Variants in PPP3R1 observed in about 807,000 individuals in gnomAD.
PPP3R1 encodes the protein protein phosphatase 3 regulatory subunit B, alpha.
Under a neutral mutation model 22.6 loss-of-function variants are expected in PPP3R1, and 5 were observed. The ratio of observed to expected loss-of-function variants is 0.22; its 90% CI spans 0.12 to 0.46. The LOEUF (loss-of-function observed/expected upper bound fraction) is 0.46. Among genes scored for constraint, PPP3R1 ranks in the 20% least tolerant of loss-of-function variants. The probability of loss-of-function intolerance (pLI) is 0.99; values close to 1 mark genes in which losing one functional copy is unlikely to be tolerated. For missense variants in PPP3R1, 61 were observed against 203.2 expected (o/e 0.30, Z 4.25); for synonymous variants, 56 against 65.2 (o/e 0.86, Z 0.68).
chr2:68,210,185 T>C (rs2103760690), intron 2 of PPP3R1, among the ~76,000 whole-genome samples: 1 of 152,288 alleles, frequency 6.6e-6, no homozygotes, highest in South Asian at 2.1e-4. Context: ...CTTAATCTAT[T>C]GGCCTCTATT....
chr2:68,188,910 T>G (rs1056283969), intron 2 of PPP3R1, among the ~76,000 whole-genome samples: 13 of 152,180 alleles, frequency 8.5e-5, no homozygotes, highest in Non-Finnish European at 1.8e-4. Context: ...ATACTTGTAT[T>G]TGGTTACCTT....
chr2:68,252,187 C>A lies in PPP3R1; in HGVS notation c.-60G>T. The stretch of plus-strand genomic sequence containing the variant: ...GGCTCGGAGAAGTGTTGCGCTCAGG[C>A]TGGCTCGCAGGAAACGGCGGCGGCG... On this transcript the variant is annotated 5_prime_UTR_variant, in exon 1 of 6. Coordinates refer to ENST00000234310, the MANE Select transcript of PPP3R1 (RefSeq NM_000945.4). 1 of 1,310,250 alleles carries A rather than the reference C, an allele frequency of 7.6e-7. No individual in the cohort carries two copies. Among genetic ancestry groups the A allele is most frequent in the Non-Finnish European group, 1.0e-6 (1 of 1,004,284 alleles). 81.2% of individuals were successfully genotyped at this position (1,310,250 alleles called of 1,614,324 possible). A position where few individuals can be genotyped will look rare whatever the true frequency, so the allele number is the denominator to read the frequency against.
intron 1 of PPP3R1, among the ~76,000 whole-genome samples, chr2:68,251,742 T>C (rs1331908945): frequency 6.7e-6 from 1 of 149,718 alleles, no homozygotes; most frequent in Non-Finnish European, 1.5e-5. Context: ...AGAGTGAGTG[T>C]GGAGGGGAGG....
chr2:68,246,067 C>CTTTTTTTTTTTTTTTTTTTT (rs746584723), intron 1 of PPP3R1, among the ~76,000 whole-genome samples: 2 of 73,806 alleles, frequency 2.7e-5, no homozygotes, highest in African/African-American at 6.3e-5. Context: ...TTCTTTCTTT[C>CTTTTTTTTTTTTTTTTTTTT]TTTTTTTTTT....
intron 2 of PPP3R1, among the ~76,000 whole-genome samples, chr2:68,205,409 A>C (rs1478130409): frequency 6.6e-6 from 1 of 151,830 alleles, no homozygotes; most frequent in Non-Finnish European, 1.5e-5. Context: ...TGCCCTGCTA[A>C]CTTTTTACAT....
Position 68,252,189 on chromosome 2 carries a change from G to A in PPP3R1, c.-62C>T. 3 of 1,304,062 alleles carry A rather than the reference G, an allele frequency of 2.3e-6. No individual in the cohort carries two copies. The highest frequency in any genetic ancestry group is 3.0e-6 in the Non-Finnish European group (3 of 1,000,708). 80.8% of individuals were successfully genotyped at this position (1,304,062 alleles called of 1,614,324 possible). A position where few individuals can be genotyped will look rare whatever the true frequency, so the allele number is the denominator to read the frequency against. Reference sequence around the variant, plus strand: ...CTCGGAGAAGTGTTGCGCTCAGGCTGGCTCGCAGGAAACGGCGGCGGCGGC... The same window carrying A: ...CTCGGAGAAGTGTTGCGCTCAGGCTAGCTCGCAGGAAACGGCGGCGGCGGC... On this transcript the variant is annotated 5_prime_UTR_variant, in exon 1 of 6. Transcript: ENST00000234310.
chr2:68,189,602 T>C (rs991177806), intron 2 of PPP3R1, among the ~76,000 whole-genome samples: 2 of 152,188 alleles, frequency 1.3e-5, no homozygotes, highest in Admixed American at 1.3e-4. Context: ...GCGCAATGGC[T>C]CACGCTTGTA....
chr2:68,217,135 G>C lies in PPP3R1; in HGVS notation c.4-4C>G, dbSNP rs1669594947. On this transcript the variant is annotated splice_polypyrimidine_tract_variant and splice_region_variant and intron_variant, in intron 1 of 5. Coordinates refer to ENST00000234310, the MANE Select transcript of PPP3R1 (RefSeq NM_000945.4). ...AAGGATAACTTGCCTCATTTCCCTG[G>C]GGGGAAAGAAAGAAATAATTAGTCA... The C allele has an allele frequency of 3.8e-6, 6 of 1,584,704 alleles. No homozygotes were observed. Among genetic ancestry groups the C allele is most frequent in the African/African-American group, 1.3e-5 (1 of 74,228 alleles).
intron 1 of PPP3R1, among the ~76,000 whole-genome samples, chr2:68,220,190 A>G (rs1008991975): frequency 2.0e-5 from 3 of 152,200 alleles, no homozygotes; most frequent in Non-Finnish European, 2.9e-5. Context: ...GAGAACAGAA[A>G]CACAATCCCG....
chr2:68,194,926 G>C (rs1262144521), intron 2 of PPP3R1, among the ~76,000 whole-genome samples: 1 of 151,990 alleles, frequency 6.6e-6, no homozygotes, highest in African/African-American at 2.4e-5. Context: ...TTAAAACAAA[G>C]CAAGTATCTC....
intron 1 of PPP3R1, 64 bp from the exon 2 acceptor site, chr2:68,217,195 C>A: frequency 5.9e-6 from 7 of 1,182,978 alleles, no homozygotes; most frequent in Middle Eastern, 2.0e-4. Flanking sequence ...AATATTAAAC[C>A]TAAATATTTT....
intron 2 of PPP3R1, among the ~76,000 whole-genome samples, chr2:68,189,867 T>C (rs938276949): frequency 2.0e-5 from 3 of 151,850 alleles, no homozygotes; most frequent in Non-Finnish European, 4.4e-5. Flanking sequence ...AGACTCCATC[T>C]CAAAAAATTA....
chr2:68,189,806 T>C (rs560107280), intron 2 of PPP3R1, among the ~76,000 whole-genome samples: 28 of 152,082 alleles, frequency 1.8e-4, no homozygotes, highest in East Asian at 1.2e-3. Flanking sequence ...GAGGCGGAGG[T>C]TGCAGTAAGC....
At chr2:68,229,863 T>G (rs1235342439) in intron 1 of PPP3R1, among the ~76,000 whole-genome samples, 1 of 152,004 alleles carries the variant, frequency 6.6e-6, no homozygotes, top group Non-Finnish European at 1.5e-5. Flanking sequence ...AATTGGTGTG[T>G]GTGTGTGTGT....
chr2:68,227,558 C>T (rs2103786341), intron 1 of PPP3R1, among the ~76,000 whole-genome samples: 1 of 150,482 alleles, frequency 6.6e-6, no homozygotes, highest in East Asian at 1.9e-4. Flanking sequence ...CAGATCCAAG[C>T]TTCTTTAATG....
At chr2:68,207,541 C>T (rs959480682) in intron 2 of PPP3R1, among the ~76,000 whole-genome samples, 2 of 152,124 alleles carry the variant, frequency 1.3e-5, no homozygotes, top group Non-Finnish European at 2.9e-5. Context: ...TGCCTTTTGC[C>T]CTAGGACATT....
chr2:68,180,767 G>T lies in PPP3R1; in HGVS notation c.*196C>A. The stretch of plus-strand genomic sequence containing the variant: ...ATGTTGCTGTCCTTCAGACTTTAAA[G>T]TGCTACACTGAGTTATTGAGAGAAT... On this transcript the variant is annotated 3_prime_UTR_variant, in exon 6 of 6. Coordinates refer to ENST00000234310, the MANE Select transcript of PPP3R1 (RefSeq NM_000945.4). 1 of 572,844 alleles carries T rather than the reference G, an allele frequency of 1.7e-6. No homozygotes were observed. Among genetic ancestry groups the T allele is most frequent in the Non-Finnish European group, 3.1e-6 (1 of 323,314 alleles). 35.5% of individuals were successfully genotyped at this position (572,844 alleles called of 1,614,324 possible).
chr2:68,188,702 C>T lies in PPP3R1; in HGVS notation c.44-12G>A. 1 of 1,559,020 alleles carries T rather than the reference C, an allele frequency of 6.4e-7. No individual in the cohort carries two copies. The highest frequency in any genetic ancestry group is 8.6e-7 in the Non-Finnish European group (1 of 1,158,004). On this transcript the variant is annotated splice_polypyrimidine_tract_variant and intron_variant, in intron 2 of 5. Coordinates refer to ENST00000234310, the MANE Select transcript of PPP3R1 (RefSeq NM_000945.4). ...TTCATCCGCATCAACTAAAAGCAAA[C>T]AAAAAAGGAAGCAAGAATTTTTTAA... is the stretch of plus-strand genomic sequence containing the variant.
At chr2:68,232,247 GTGTGTGTGTGTGTGTGTGTATATA>G (rs1558641502) in intron 1 of PPP3R1, among the ~76,000 whole-genome samples, 10 of 71,522 alleles carry the variant, frequency 1.4e-4, no homozygotes, top group African/African-American at 7.4e-4. Flanking sequence ...GTGTGTGTGT[GTGTGTGTGTGTGTGTGTGTATATA>G]TATATACACA....
Sources: gnomAD v4.1 joint callset for allele counts (sites outside exome capture counted in the v4.1 genomes callset) on GRCh38, gnomAD v4.1.1 for gene constraint, MANE v1.5 for transcripts, NCBI Gene and HGNC (gene_info 2026-07-23, HGNC 2026-07-21) for gene names.